The following OXR1 variants were observed in gnomAD, a reference collection of about 807,000 sequenced individuals.
The protein encoded by OXR1 is oxidation resistance 1, also known as oxidation resistance protein 1.
Under a neutral mutation model 104.6 loss-of-function variants are expected in OXR1, and 41 were observed. The observed-to-expected ratio is 0.39, with a 90% confidence interval of 0.31 to 0.51. OXR1 has a LOEUF of 0.51. Ranked by LOEUF, OXR1 falls within the 20% of genes least tolerant of loss-of-function variation. The pLI, the probability that OXR1 is intolerant of heterozygous loss-of-function variation, is 0.77. For missense variants in OXR1, 955 were observed against 1,031.9 expected (o/e 0.93, Z 1.02); for synonymous variants, 348 against 348.4 (o/e 1.00, Z 0.01).
intron 2 of OXR1, among the ~76,000 whole-genome samples, chr8:106,508,225 G>C (rs555475945): frequency 1.3e-5 from 2 of 152,356 alleles, no homozygotes; most frequent in South Asian, 4.1e-4. Context: ...GCTTTGGCAA[G>C]AAGAGGATCA....
rs80110894 is a variant in OXR1 at position 106,724,553 on chromosome 8, C to T, written c.1956+10568C>T. ...CCCAGACCATCAGCAGCAGCAGCAC[C>T]TGGGAATTTGTTAGAAATGCAAATT... On this transcript the variant is annotated intron_variant, in intron 11 of 16. Coordinates refer to ENST00000517566, the MANE Select transcript of OXR1 (RefSeq NM_001198533.2). 5.5e-3 allele frequency among the ~76,000 whole-genome samples: 837 copies of T among 152,284 alleles called. 14 individuals are homozygous for T. The highest frequency in any genetic ancestry group is 0.019 in the African/African-American group (807 of 41,566).
At chr8:106,275,064 G>A (rs866184845) in intron 1 of OXR1, among the ~76,000 whole-genome samples, 13 of 152,230 alleles carry the variant, frequency 8.5e-5, no homozygotes, top group Non-Finnish European at 7.3e-5. Context: ...AGAAACATAA[G>A]ATGGGCATTC....
intron 15 of OXR1, 126 bp from the exon 16 acceptor site, chr8:106,745,663 T>G: frequency 4.0e-6 from 2 of 494,842 alleles, no homozygotes; most frequent in Non-Finnish European, 7.1e-6. Context: ...GTGCGGAGCT[T>G]TTTGTGGTGT....
intron 1 of OXR1, among the ~76,000 whole-genome samples, chr8:106,316,247 C>G (rs2130156524): frequency 1.3e-5 from 2 of 152,260 alleles, no homozygotes; most frequent in Middle Eastern, 6.8e-3. Flanking sequence ...AAATACACAA[C>G]TCAAAGCTTT....
chr8:106,715,454 A>G (rs1832146849), intron 11 of OXR1, among the ~76,000 whole-genome samples: 1 of 148,686 alleles, frequency 6.7e-6, no homozygotes, highest in Non-Finnish European at 1.5e-5. Context: ...ATATATATAT[A>G]TTATATACAT....
intron 4 of OXR1, 142 bp downstream of exon 4, chr8:106,679,434 A>G (rs1031648330): frequency 6.9e-6 from 3 of 433,306 alleles, no homozygotes; most frequent in Admixed American, 4.3e-5. Context: ...TAATTGTTTT[A>G]TTTTTTAGTT....
chr8:106,332,421 A>G (rs1814757151), intron 1 of OXR1, among the ~76,000 whole-genome samples: 2 of 152,176 alleles, frequency 1.3e-5, no homozygotes, highest in South Asian at 2.1e-4. Context: ...CCAATGCCCA[A>G]GTAACTTATT....
At chr8:106,501,756 C>G (rs908881157) in intron 2 of OXR1, among the ~76,000 whole-genome samples, 1 of 152,138 alleles carries the variant, frequency 6.6e-6, no homozygotes, top group Non-Finnish European at 1.5e-5. Context: ...TTTCCTGTTG[C>G]AGGGCTTGGG....
intron 2 of OXR1, among the ~76,000 whole-genome samples, chr8:106,486,079 T>C (rs1466556609): frequency 6.6e-6 from 1 of 152,088 alleles, no homozygotes; most frequent in Non-Finnish European, 1.5e-5. Flanking sequence ...TAATATACTG[T>C]ATTCTTAAAA....
chr8:106,661,877 G>A (rs1825800591), intron 3 of OXR1, among the ~76,000 whole-genome samples: 1 of 152,098 alleles, frequency 6.6e-6, no homozygotes, highest in Non-Finnish European at 1.5e-5. Flanking sequence ...TTCCAAGTTA[G>A]GTTGGTAGCG....
At chr8:106,478,638 T>C (rs1310057241) in intron 2 of OXR1, among the ~76,000 whole-genome samples, 1 of 151,820 alleles carries the variant, frequency 6.6e-6, no homozygotes, top group East Asian at 1.9e-4. Context: ...CAGAATATTT[T>C]AGGATGACAG....
chr8:106,684,111 T>C (rs1368639943), intron 5 of OXR1, 135 bp from the exon 6 acceptor site: 2 of 550,500 alleles, frequency 3.6e-6, no homozygotes, highest in African/African-American at 3.8e-5. Context: ...AAAAATGTTT[T>C]TATATTCTTA....
At chr8:106,694,935 A>G (rs1250875482) in intron 7 of OXR1, among the ~76,000 whole-genome samples, 7 of 140,212 alleles carry the variant, frequency 5.0e-5, no homozygotes, top group Non-Finnish European at 9.1e-5. Flanking sequence ...ATTTATATAT[A>G]TATAAATATA....
intron 2 of OXR1, among the ~76,000 whole-genome samples, chr8:106,426,284 C>A (rs1819115723): frequency 6.6e-6 from 1 of 152,092 alleles, no homozygotes; most frequent in African/African-American, 2.4e-5. Flanking sequence ...TTGATACCTG[C>A]CTCTAAAGGC....
At chr8:106,412,601 G>A (rs930643517) in intron 2 of OXR1, among the ~76,000 whole-genome samples, 4 of 152,080 alleles carry the variant, frequency 2.6e-5, no homozygotes, top group African/African-American at 7.2e-5. Context: ...TCAAGGTGGA[G>A]TGAGTACGCA....
At chr8:106,286,380 T>G (rs1398907000) in intron 1 of OXR1, among the ~76,000 whole-genome samples, 1 of 151,596 alleles carries the variant, frequency 6.6e-6, no homozygotes, top group Non-Finnish European at 1.5e-5. Context: ...AGGGTTTTTT[T>G]TTTTTTTTTT....
chr8:106,290,419 A>C (rs1812697748), intron 1 of OXR1, among the ~76,000 whole-genome samples: 1 of 152,150 alleles, frequency 6.6e-6, no homozygotes, highest in African/African-American at 2.4e-5. Context: ...AAGTCCCAAA[A>C]AGCAATTGCA....
intron 2 of OXR1, among the ~76,000 whole-genome samples, chr8:106,447,350 G>A (rs1188639846): frequency 6.6e-6 from 1 of 152,170 alleles, no homozygotes; most frequent in Admixed American, 6.5e-5. Flanking sequence ...AATGTATGAA[G>A]GGGAGGGAAG....
At chr8:106,377,744 A>G (rs1816967764) in intron 2 of OXR1, among the ~76,000 whole-genome samples, 1 of 152,192 alleles carries the variant, frequency 6.6e-6, no homozygotes, top group Non-Finnish European at 1.5e-5. Context: ...CAAACATTAT[A>G]TTCATTTCCT....
Sources: gnomAD v4.1 joint callset for allele counts (sites outside exome capture counted in the v4.1 genomes callset) on GRCh38, gnomAD v4.1.1 for gene constraint, MANE v1.5 for transcripts, NCBI Gene and HGNC (gene_info 2026-07-23, HGNC 2026-07-21) for gene names.